Variants in SEC23A observed in about 807,000 individuals in gnomAD.
SEC23A encodes the protein protein transport protein Sec23A.
SEC23A carries 56 observed loss-of-function variants against 103.7 expected under a neutral mutation model. The observed-to-expected ratio is 0.54, with a 90% CI of 0.44 to 0.67. The LOEUF is 0.67. SEC23A is among the 30% of genes least tolerant of loss of function. The pLI, the probability that SEC23A is intolerant of heterozygous loss-of-function variation, is 0.00. For missense variants in SEC23A, 784 were observed against 936.4 expected, an observed-to-expected ratio of 0.84 and a Z score of 2.12; for synonymous variants, 281 against 293.0, an observed-to-expected ratio of 0.96 and a Z score of 0.42.
At position 39,096,953 on chromosome 14, in the gene SEC23A, C is replaced by A. The variant is rs77299623; in HGVS notation, c.-21-814G>T. Among the ~76,000 whole-genome samples the A allele has an allele frequency of 4.2e-3, 643 of 152,242 alleles. 2 individuals are homozygous for A. Among genetic ancestry groups the A allele is most frequent in the African/African-American group, 0.015 (612 of 41,554 alleles). On this transcript the variant is annotated intron_variant, in intron 1 of 19. Transcript: ENST00000307712. ...ACTTCTGCTTTGGACAGGTAATTTT[C>A]TTATTGTGCAAGTACAGGCTATTTG...
chr14:39,100,421 T>TC (rs1236274027), intron 1 of SEC23A, among the ~76,000 whole-genome samples: 3 of 151,596 alleles, frequency 2.0e-5, no homozygotes, highest in Non-Finnish European at 1.5e-5. Flanking sequence ...CTTAACTTTT[T>TC]TTTTTTTTTT....
intron 1 of SEC23A, among the ~76,000 whole-genome samples, chr14:39,102,696 G>A (rs1218293490): frequency 1.3e-5 from 2 of 151,814 alleles, no homozygotes; most frequent in South Asian, 2.1e-4. Context: ...GAATGAAACA[G>A]TAAGTCCAAG....
At chr14:39,087,192 AATC>A (rs1167623431) in intron 5 of SEC23A, among the ~76,000 whole-genome samples, 184 bp from the exon 6 acceptor site, 1 of 152,236 alleles carries the variant, frequency 6.6e-6, no homozygotes, top group African/African-American at 2.4e-5. Flanking sequence ...AACACAAAAT[AATC>A]ATCATGAGAG....
In SEC23A at chr14:39,085,682, TTATA is replaced by T. The variant is rs141614689; in HGVS notation, c.828+76_828+79del. ...ACTTTGGTTCTTCTTATCCTTATAA[TTATA>T]TATACACACACACACACACACACAC... On this transcript the variant is annotated intron_variant, in intron 7 of 19. Transcript: ENST00000307712. 50,797 of 1,136,082 alleles carry T rather than the reference TTATA, an allele frequency of 0.045. 2,843 individuals carry two copies. The highest frequency in any genetic ancestry group is 0.053 in the Non-Finnish European group (42,922 of 811,988). 70.4% of individuals were successfully genotyped at this position (1,136,082 alleles called of 1,614,324 possible).
chr14:39,091,089 T>C, intron 5 of SEC23A: 1 of 412,692 alleles, frequency 2.4e-6, no homozygotes, highest in Non-Finnish European at 4.6e-6. Flanking sequence ...TGGACTTTGG[T>C]CTTTTTGACT....
intron 15 of SEC23A, among the ~76,000 whole-genome samples, chr14:39,046,104 A>G (rs1594439497): frequency 6.6e-6 from 1 of 152,078 alleles, no homozygotes; most frequent in South Asian, 2.1e-4. Flanking sequence ...GCCACGTAAG[A>G]TATGTCTTGC....
At chr14:39,061,604 T>C (rs1886482150) in intron 13 of SEC23A, among the ~76,000 whole-genome samples, 161 bp downstream of exon 13, 1 of 152,184 alleles carries the variant, frequency 6.6e-6, no homozygotes, top group Admixed American at 6.6e-5. Context: ...GTAATGCATA[T>C]TGTAGCAAAT....
Position 39,035,739 on chromosome 14 carries a change from C to A in SEC23A, c.2209-2411G>T, listed in dbSNP as rs538009782. Among the ~76,000 whole-genome samples the A allele has an allele frequency of 2.1e-4, 32 of 152,190 alleles. No homozygotes were observed. In the South Asian group the frequency reaches 6.4e-3, roughly 31 times the overall value. On this transcript the variant is annotated intron_variant, in intron 19 of 19. Transcript: ENST00000307712. Reference sequence around the variant, plus strand: ...CCAGATCTATTGTATTCAATATATGCTATGTTTAAGGTCCTATGGAAAATC... The same window carrying A: ...CCAGATCTATTGTATTCAATATATGATATGTTTAAGGTCCTATGGAAAATC...
At chr14:39,093,344 C>T (rs1887728355) in intron 2 of SEC23A, 100 bp from the exon 3 acceptor site, 9 of 965,340 alleles carry the variant, frequency 9.3e-6, no homozygotes, top group Admixed American at 2.2e-5. Flanking sequence ...AAAACATGAA[C>T]ATATTCAAAT....
In SEC23A at chr14:39,032,989, T is replaced by C; in HGVS notation, c.*250A>G. 2.2e-6 allele frequency: 1 copy of C among 460,724 alleles called. No individual in the cohort carries two copies. Among genetic ancestry groups the C allele is most frequent in the South Asian group, 2.8e-5 (1 of 36,340 alleles). The allele number at this position is 460,724 out of a possible 1,614,324, so 28.5% of individuals were successfully genotyped here. ...CTATTTTTTATTAAACATAATTAAG[T>C]TATAAAGACTTCAAATTTCTAGAAC... is the stretch of plus-strand genomic sequence containing the variant. On this transcript the variant is annotated 3_prime_UTR_variant, in exon 20 of 20. Coordinates refer to ENST00000307712, the MANE Select transcript of SEC23A (RefSeq NM_006364.4).
chr14:39,088,249 T>C (rs1402907603), intron 5 of SEC23A: 1 of 151,998 alleles, frequency 6.6e-6, no homozygotes, highest in African/African-American at 2.4e-5. Flanking sequence ...AAAATAAACA[T>C]GTTTCAATGG....
In SEC23A at chr14:39,094,728, C is replaced by T. The variant is rs572262009; in HGVS notation, c.221+1170G>A. 1.1e-4 allele frequency among the ~76,000 whole-genome samples: 16 copies of T among 151,932 alleles called. No individual in the cohort carries two copies. The South Asian group carries it at 2.3e-3, about 22-fold the overall frequency. ...ACGAAAATATGGAGACAGAAGAATC[C>T]GGGCAGAATGCACAGCTACTATACC... On this transcript the variant is annotated intron_variant, in intron 2 of 19. Coordinates refer to ENST00000307712, the MANE Select transcript of SEC23A (RefSeq NM_006364.4).
intron 17 of SEC23A, 64 bp downstream of exon 17, chr14:39,042,718 GAAGT>G (rs1384674911): frequency 2.6e-5 from 25 of 944,730 alleles, no homozygotes; most frequent in African/African-American, 2.0e-4. Flanking sequence ...CATACAATTA[GAAGT>G]AAGAAAACCT....
chr14:39,077,227 CAAAAA>C (rs57549556), intron 7 of SEC23A, among the ~76,000 whole-genome samples: 8 of 36,480 alleles, frequency 2.2e-4, no homozygotes, highest in African/African-American at 9.0e-4. Context: ...GACTCCATCT[CAAAAA>C]AAAAAAAAAA....
intron 7 of SEC23A, among the ~76,000 whole-genome samples, chr14:39,082,515 C>T (rs994222649): frequency 2.0e-5 from 3 of 152,060 alleles, no homozygotes; most frequent in Non-Finnish European, 4.4e-5. Context: ...AAACCTGTAA[C>T]TTTACAGTGA....
At chr14:39,059,902 A>G (rs1886414267) in intron 13 of SEC23A, among the ~76,000 whole-genome samples, 1 of 152,202 alleles carries the variant, frequency 6.6e-6, no homozygotes, top group Non-Finnish European at 1.5e-5. Flanking sequence ...CATTTTGTCC[A>G]TGATCACACA....
In SEC23A at chr14:39,102,282, G is replaced by C. The variant is rs552385712; in HGVS notation, c.-22+750C>G. The stretch of plus-strand genomic sequence containing the variant: ...CTGAAATGATGTTCATTCACTACCA[G>C]AGGAGAAAGAGAAGGAAAACTCAAC... On this transcript the variant is annotated intron_variant, in intron 1 of 19. Transcript: ENST00000307712. Among the ~76,000 whole-genome samples, 176 of 152,150 alleles carry C rather than the reference G, an allele frequency of 1.2e-3. 1 individual carries two copies. Among genetic ancestry groups the C allele is most frequent in the African/African-American group, 4.0e-3 (166 of 41,510 alleles).
chr14:39,053,944 G>A (rs1886155209), intron 14 of SEC23A, among the ~76,000 whole-genome samples: 1 of 152,040 alleles, frequency 6.6e-6, no homozygotes, highest in African/African-American at 2.4e-5. Flanking sequence ...ACTACCTTGA[G>A]CAAAATAGTG....
At chr14:39,047,467 A>C (rs983186477) in intron 15 of SEC23A, 3 of 1,135,150 alleles carry the variant, frequency 2.6e-6, no homozygotes, top group African/African-American at 1.6e-5. Context: ...TGGGTTATAG[A>C]TCAATCAGCA....
Sources: allele counts gnomAD v4.1 joint callset (sites outside exome capture counted in the v4.1 genomes callset), GRCh38; gene constraint gnomAD v4.1.1; transcripts MANE v1.5; gene names NCBI Gene and HGNC (gene_info 2026-07-23, HGNC 2026-07-21).